Variants in ABCA4 observed in about 807,000 individuals in gnomAD.
The protein encoded by ABCA4 is ATP binding cassette subfamily A member 4, also known as retinal-specific phospholipid-transporting ATPase ABCA4.
Under a neutral mutation model 263.7 loss-of-function variants are expected in ABCA4, and 196 were observed. The observed-to-expected ratio is 0.74, with a 90% CI of 0.66 to 0.84. ABCA4 has a LOEUF of 0.84. ABCA4 is among the 40% of genes least tolerant of loss of function. ABCA4 has a pLI of 0.00. For synonymous variants in ABCA4, 1,133 were observed against 1,094.2 expected (o/e 1.04, Z -0.70); for missense variants, 2,792 against 2,855.1 (o/e 0.98, Z 0.50).
chr1:94,032,665 CA>C (rs1660238132), intron 26 of ABCA4, among the ~76,000 whole-genome samples: 1 of 152,162 alleles, frequency 6.6e-6, no homozygotes, highest in East Asian at 1.9e-4. Context: ...AACAAACAAA[CA>C]AAAAAACTAA....
intron 44 of ABCA4, among the ~76,000 whole-genome samples, chr1:94,003,471 C>T (rs1365340986): frequency 2.6e-5 from 4 of 151,936 alleles, no homozygotes; most frequent in African/African-American, 9.7e-5. Context: ...GTGTCCTTCA[C>T]AGGGTATCAC....
Position 94,037,560 on chromosome 1 carries a change from G to A in ABCA4, c.3608-210C>T, listed in dbSNP as rs115551165. On this transcript the variant is annotated intron_variant, in intron 24 of 49. Coordinates refer to ENST00000370225, the MANE Select transcript of ABCA4 (RefSeq NM_000350.3). ...TCATCATTGAGAGGCAGAGGGAAAC[G>A]GAAGCAAAGTCCTCCCGACTAGCTA... Among the ~76,000 whole-genome samples, 705 of 152,108 alleles carry A rather than the reference G, an allele frequency of 4.6e-3. 3 individuals are homozygous for A. The highest frequency in any genetic ancestry group is 0.016 in the African/African-American group (659 of 41,484).
chr1:93,997,765 G>T, intron 48 of ABCA4, 96 bp downstream of exon 48: 1 of 1,504,688 alleles, frequency 6.6e-7, no homozygotes, highest in Non-Finnish European at 9.1e-7. Context: ...GTTAAAAATC[G>T]GGAATGTTAT....
intron 26 of ABCA4, among the ~76,000 whole-genome samples, chr1:94,034,697 C>A (rs893759183): frequency 5.3e-5 from 8 of 151,602 alleles, no homozygotes; most frequent in Non-Finnish European, 1.0e-4. Context: ...GCCTGGGTGA[C>A]TTTAGGCAAA....
chr1:94,041,330 G>T lies in ABCA4; in HGVS notation c.3401C>A (p.Ala1134Asp), dbSNP rs754164108. 6.2e-7 allele frequency: 1 copy of T among 1,614,146 alleles called. No homozygotes were observed. Among genetic ancestry groups the T allele is most frequent in the Non-Finnish European group, 8.5e-7 (1 of 1,180,018 alleles). ...DLLGDRIAIIAQGRLYCSGTP... is the reference protein window; with the variant it reads ...DLLGDRIAIIDQGRLYCSGTP... Reference sequence around the variant, plus strand: ...GCCTGAGCAGTAGAGCCTTCCCTGGGCAATGATGGCAATGCGGTCCCCAAG... The same window carrying T: ...GCCTGAGCAGTAGAGCCTTCCCTGGTCAATGATGGCAATGCGGTCCCCAAG... The change falls in exon 23 of 50, where the codon GCC (alanine) becomes GAC (aspartate). Residue 1134 changes from alanine to aspartate, a missense_variant. Physicochemically the swap from Ala to Asp is moderately radical, Grantham distance 126 (BLOSUM62 -2). Coordinates refer to ENST00000370225, the MANE Select transcript of ABCA4 (RefSeq NM_000350.3).
At chr1:94,058,390 C>G (rs1234652589) in intron 14 of ABCA4, among the ~76,000 whole-genome samples, 2 of 152,162 alleles carry the variant, frequency 1.3e-5, no homozygotes, top group Non-Finnish European at 2.9e-5. Context: ...TAGACAGAGT[C>G]TTGCTCTGTT....
In ABCA4 at chr1:94,037,281, C is replaced by T. The variant is rs929411203; in HGVS notation, c.3677G>A (p.Gly1226Asp). The T allele has an allele frequency of 4.3e-6, 7 of 1,614,076 alleles. No homozygotes were observed. Among genetic ancestry groups the T allele is most frequent in the African/African-American group, 4.0e-5 (3 of 74,906 alleles). ...TGGAAGAAGGAAGATAAGTTCTTGA[C>T]CAATGCACTCCACCAGCTTTGCCTC... ...VPEAKLVECI[G>D]QELIFLLPNK... The change falls in exon 25 of 50, where the codon GGT becomes GAT. Residue 1226 changes from glycine to aspartate, a missense_variant. Coordinates refer to ENST00000370225, the MANE Select transcript of ABCA4 (RefSeq NM_000350.3).
Position 94,077,682 on chromosome 1 carries a change from C to G in ABCA4, c.1554+8G>C, listed in dbSNP as rs1357084392. ...AAGGGGCCCACTGTGGGGCTTGCAG[C>G]CCCTTACCTCCAGGTATTGATTGAC... On this transcript the variant is annotated splice_region_variant and intron_variant, in intron 11 of 49. Coordinates refer to ENST00000370225, the MANE Select transcript of ABCA4 (RefSeq NM_000350.3). The G allele has an allele frequency of 7.5e-6, 12 of 1,606,288 alleles. No individual in the cohort carries two copies. In the Admixed American group the frequency reaches 1.7e-4, roughly 23 times the overall value.
chr1:94,005,087 C>A (rs1049107729), intron 44 of ABCA4, among the ~76,000 whole-genome samples: 2 of 152,190 alleles, frequency 1.3e-5, no homozygotes, highest in Non-Finnish European at 2.9e-5. Context: ...TAGGTAACTT[C>A]CAGCATTTTG....
intron 16 of ABCA4, among the ~76,000 whole-genome samples, chr1:94,054,477 C>A (rs1660918810): frequency 6.6e-6 from 1 of 152,052 alleles, no homozygotes; most frequent in South Asian, 2.1e-4. Flanking sequence ...GACATTTGAA[C>A]AGAGACCTTA....
At chr1:94,067,424 C>T (rs1035040611) in intron 11 of ABCA4, among the ~76,000 whole-genome samples, 3 of 152,290 alleles carry the variant, frequency 2.0e-5, no homozygotes, top group African/African-American at 7.2e-5. Flanking sequence ...GATTCATAGT[C>T]ATGTTTCCTG....
chr1:94,051,502 C>T (rs1248698872), intron 17 of ABCA4, 131 bp downstream of exon 17: 2 of 824,656 alleles, frequency 2.4e-6, no homozygotes, highest in Non-Finnish European at 4.1e-6. Context: ...GGGGCAGAGC[C>T]CCAGGAGGCA....
chr1:94,017,355 C>T (rs1659771075), intron 36 of ABCA4, among the ~76,000 whole-genome samples: 1 of 152,126 alleles, frequency 6.6e-6, no homozygotes, highest in African/African-American at 2.4e-5. Flanking sequence ...GATACTGCTG[C>T]CAAGATGCAC....
chr1:94,026,337 T>C lies in ABCA4; in HGVS notation c.4540-1289A>G, dbSNP rs187072598. Among the ~76,000 whole-genome samples, 3 of 152,342 alleles carry C rather than the reference T, an allele frequency of 2.0e-5. No homozygotes were observed. In the East Asian group the frequency reaches 5.8e-4, roughly 29 times the overall value. On this transcript the variant is annotated intron_variant, in intron 30 of 49. Transcript: ENST00000370225. ...AATGCTCCCTGTGTGTCGGGCACTATGTTAAATGCCCTACATACACGATCT... is the reference window on the plus strand; with the variant it reads ...AATGCTCCCTGTGTGTCGGGCACTACGTTAAATGCCCTACATACACGATCT...
intron 6 of ABCA4, among the ~76,000 whole-genome samples, chr1:94,084,967 G>A (rs1570411663): frequency 6.6e-6 from 1 of 152,184 alleles, no homozygotes; most frequent in East Asian, 1.9e-4. Flanking sequence ...TCTCCCCTGA[G>A]ATTATTAGAG....
chr1:94,091,710 C>A (rs1661973060), intron 6 of ABCA4, among the ~76,000 whole-genome samples: 1 of 152,210 alleles, frequency 6.6e-6, no homozygotes, highest in South Asian at 2.1e-4. Context: ...GACAGCACTG[C>A]CAGCCGAAGT....
chr1:94,051,553 C>A, intron 17 of ABCA4, 80 bp downstream of exon 17: 1 of 1,274,522 alleles, frequency 7.8e-7, no homozygotes, highest in Non-Finnish European at 1.1e-6. Context: ...TAGAGGGCCA[C>A]CTCTGTGATC....
chr1:94,007,874 T>C (rs1041683476), intron 42 of ABCA4, 134 bp from the exon 43 acceptor site: 25 of 790,386 alleles, frequency 3.2e-5, no homozygotes, highest in African/African-American at 2.6e-4. Flanking sequence ...ACGAGCCATA[T>C]GTGGCTACTA....
intron 16 of ABCA4, among the ~76,000 whole-genome samples, chr1:94,052,576 A>T (rs2101064489): frequency 6.6e-6 from 1 of 152,330 alleles, no homozygotes; most frequent in African/African-American, 2.4e-5. Flanking sequence ...GCTAAAATAA[A>T]ACTTTTGAAT....
Sources: allele counts gnomAD v4.1 joint callset (sites outside exome capture counted in the v4.1 genomes callset), GRCh38; gene constraint gnomAD v4.1.1; transcripts MANE v1.5; gene names NCBI Gene and HGNC (gene_info 2026-07-23, HGNC 2026-07-21).